The following BMPER variants were observed in gnomAD, a reference collection of about 807,000 sequenced individuals.
The protein encoded by BMPER is BMP binding endothelial regulator, also known as BMP-binding endothelial regulator protein.
In BMPER, 45 loss-of-function variants were observed where a neutral mutation model predicts 87.3. The ratio of observed to expected loss-of-function variants is 0.52; its 90% CI spans 0.41 to 0.66. BMPER has a LOEUF of 0.66. Among genes scored for constraint, BMPER ranks in the 30% least tolerant of loss-of-function variants. The probability of loss-of-function intolerance (pLI) is 0.00; values close to 1 mark genes in which losing one functional copy is unlikely to be tolerated. For missense variants in BMPER, 784 were observed against 867.5 expected (o/e 0.90, Z 1.21); for synonymous variants, 326 against 316.2 (o/e 1.03, Z -0.33).
chr7:34,143,276 T>C lies in BMPER; in HGVS notation c.1792T>C (p.Tyr598His), dbSNP rs570211162. The change falls in exon 14 of 15, where the codon TAT becomes CAT. Residue 598 changes from tyrosine to histidine, a missense_variant. By Grantham distance (83) the Tyr-to-His change is moderately conservative. Transcript: ENST00000649409. ...TGAATGTCCAGTCCATAAAAACTGT[T>C]ATTGCGAGTCATTTTTGGCATATAC... is the stretch of plus-strand genomic sequence containing the variant. ...MCECPVHKNC[Y>H]CESFLAYTRA... The C allele has an allele frequency of 8.2e-5, 132 of 1,614,110 alleles. No homozygotes were observed. In the Middle Eastern group the frequency reaches 8.2e-4, roughly 10 times the overall value.
chr7:34,007,661 C>A (rs2127939032), intron 6 of BMPER, among the ~76,000 whole-genome samples: 1 of 151,982 alleles, frequency 6.6e-6, no homozygotes, highest in Non-Finnish European at 1.5e-5. Context: ...CATGTTATTC[C>A]ATTGATAGAT....
chr7:33,979,146 T>A (rs1785772462), intron 6 of BMPER, among the ~76,000 whole-genome samples: 2 of 152,240 alleles, frequency 1.3e-5, no homozygotes, highest in South Asian at 4.1e-4. Context: ...TGTGAATATG[T>A]ATGCGTATAT....
At chr7:34,110,500 G>C (rs536203250) in intron 13 of BMPER, among the ~76,000 whole-genome samples, 1 of 152,324 alleles carries the variant, frequency 6.6e-6, no homozygotes, top group African/African-American at 2.4e-5. Flanking sequence ...GAGAACAACA[G>C]CTGGCCTGCT....
chr7:33,943,803 G>A (rs983259690), intron 3 of BMPER, among the ~76,000 whole-genome samples: 1 of 152,080 alleles, frequency 6.6e-6, no homozygotes, highest in Admixed American at 6.5e-5. Flanking sequence ...ACTTCACACT[G>A]CAACATTCAC....
At chr7:34,047,815 C>CTTCCTTCCTTCCT (rs370198631) in intron 7 of BMPER, among the ~76,000 whole-genome samples, 1 of 146,442 alleles carries the variant, frequency 6.8e-6, no homozygotes, top group Non-Finnish European at 1.5e-5. Flanking sequence ...TCCTTTCTTC[C>CTTCCTTCCTTCCT]TCACTTTCCT....
intron 13 of BMPER, among the ~76,000 whole-genome samples, chr7:34,120,282 C>G (rs1054215290): frequency 3.3e-5 from 5 of 152,134 alleles, no homozygotes; most frequent in African/African-American, 1.2e-4. Flanking sequence ...CTTGACCACT[C>G]AGACTCCAAA....
intron 6 of BMPER, among the ~76,000 whole-genome samples, chr7:33,992,638 G>A (rs1786258454): frequency 6.7e-6 from 1 of 148,640 alleles, no homozygotes. Flanking sequence ...ATAGTGTTAT[G>A]TGTGAATTTG....
intron 13 of BMPER, among the ~76,000 whole-genome samples, chr7:34,139,462 T>C (rs1315417436): frequency 2.0e-5 from 3 of 152,258 alleles, no homozygotes; most frequent in African/African-American, 7.2e-5. Flanking sequence ...AAAAGTAAAC[T>C]GTGATGTTTC....
intron 6 of BMPER, among the ~76,000 whole-genome samples, chr7:33,982,370 A>G (rs75422093): frequency 0.031 from 4,707 of 152,336 alleles, 100 homozygotes; most frequent in Non-Finnish European, 0.047. Context: ...CAATGTGGGC[A>G]GTTCATCTAA....
Position 33,989,436 on chromosome 7 carries a change from G to A in BMPER, c.576+14652G>A, listed in dbSNP as rs979324624. ...CTTCTTTTGAGAAGTGTCTGTTCATGTCCTTCGCCCACTTTTTGATAGGGT... is the reference window on the plus strand; with the variant it reads ...CTTCTTTTGAGAAGTGTCTGTTCATATCCTTCGCCCACTTTTTGATAGGGT... On this transcript the variant is annotated intron_variant, in intron 6 of 14. Transcript: ENST00000649409. Among the ~76,000 whole-genome samples the A allele has an allele frequency of 2.5e-4, 38 of 152,184 alleles. No homozygotes were observed. In the South Asian group the frequency reaches 5.8e-3, roughly 23 times the overall value.
chr7:34,111,776 C>T (rs995567280), intron 13 of BMPER, among the ~76,000 whole-genome samples: 9 of 152,156 alleles, frequency 5.9e-5, no homozygotes, highest in South Asian at 2.1e-4. Context: ...TGCAATGGCA[C>T]GATCTCGGCT....
At chr7:33,913,272 G>A (rs1784004438) in intron 2 of BMPER, among the ~76,000 whole-genome samples, 1 of 152,182 alleles carries the variant, frequency 6.6e-6, no homozygotes. Context: ...GATGGAGCTG[G>A]AGTTAGAAAT....
chr7:33,991,206 T>C lies in BMPER; in HGVS notation c.576+16422T>C, dbSNP rs536823418. Among the ~76,000 whole-genome samples, 1,143 of 150,662 alleles carry C rather than the reference T, an allele frequency of 7.6e-3. 16 individuals carry two copies. The highest frequency in any genetic ancestry group is 0.027 in the African/African-American group (1,096 of 41,202). On this transcript the variant is annotated intron_variant, in intron 6 of 14. Coordinates refer to ENST00000649409, the MANE Select transcript of BMPER (RefSeq NM_001365308.1). ...AGAAGGAATGGTACCAGTTCCTCCTTGTACCTCTGGTAGAATTCGGCTGTG... is the reference window on the plus strand; with the variant it reads ...AGAAGGAATGGTACCAGTTCCTCCTCGTACCTCTGGTAGAATTCGGCTGTG...
intron 13 of BMPER, among the ~76,000 whole-genome samples, chr7:34,108,202 T>C (rs1168040921): frequency 6.6e-6 from 1 of 152,190 alleles, no homozygotes; most frequent in Non-Finnish European, 1.5e-5. Flanking sequence ...TTAATGGAGA[T>C]TGTTTGTCTT....
At chr7:33,930,772 G>A (rs1784462425) in intron 2 of BMPER, among the ~76,000 whole-genome samples, 1 of 152,044 alleles carries the variant, frequency 6.6e-6, no homozygotes, top group South Asian at 2.1e-4. Context: ...GAGGCCTTGT[G>A]TCTACAAAAA....
chr7:34,015,562 T>G (rs77712999), intron 6 of BMPER, among the ~76,000 whole-genome samples: 1 of 151,876 alleles, frequency 6.6e-6, no homozygotes, highest in South Asian at 2.1e-4. Flanking sequence ...GCTTCCAACT[T>G]TCTATTGGTG....
chr7:34,097,555 A>G (rs1789562628), intron 13 of BMPER, among the ~76,000 whole-genome samples: 1 of 152,138 alleles, frequency 6.6e-6, no homozygotes, highest in East Asian at 1.9e-4. Flanking sequence ...TGTTAGGTCC[A>G]TAGTTCTCAA....
intron 3 of BMPER, among the ~76,000 whole-genome samples, chr7:33,950,891 A>G (rs562024955): frequency 6.6e-6 from 1 of 152,264 alleles, no homozygotes; most frequent in South Asian, 2.1e-4. Context: ...CAGCTAGAAG[A>G]TAGCTTGCCC....
At chr7:33,928,547 A>G (rs1784412248) in intron 2 of BMPER, among the ~76,000 whole-genome samples, 2 of 150,106 alleles carry the variant, frequency 1.3e-5, no homozygotes, top group South Asian at 4.2e-4. Context: ...GAGCTGTTTG[A>G]CACTGCCCTG....
Sources: allele counts gnomAD v4.1 joint callset (sites outside exome capture counted in the v4.1 genomes callset), GRCh38; gene constraint gnomAD v4.1.1; transcripts MANE v1.5; gene names NCBI Gene and HGNC (gene_info 2026-07-23, HGNC 2026-07-21).